Variants in HDHD2 observed in about 807,000 individuals in gnomAD.
HDHD2 encodes the protein haloacid dehalogenase-like hydrolase domain-containing protein 2.
HDHD2 carries 26 observed loss-of-function variants against 24.8 expected under a neutral mutation model. The observed-to-expected ratio is 1.05, with a 90% CI of 0.77 to 1.45. The LOEUF (loss-of-function observed/expected upper bound fraction) is 1.45, where lower values mean the gene tolerates loss of function less well. Ranked by LOEUF, HDHD2 falls within the 40% of genes most tolerant of loss-of-function variation. The pLI is 0.00. For missense variants in HDHD2, 299 were observed against 313.4 expected, an observed-to-expected ratio of 0.95 and a Z score of 0.35; for synonymous variants, 128 against 114.9, an observed-to-expected ratio of 1.11 and a Z score of -0.73.
At chr18:47,134,145 T>C (rs1453948311) in intron 3 of HDHD2, among the ~76,000 whole-genome samples, 1 of 152,232 alleles carries the variant, frequency 6.6e-6, no homozygotes, top group Non-Finnish European at 1.5e-5. Flanking sequence ...TCGTGATCTA[T>C]TATTAGACTG....
In HDHD2 at chr18:47,108,423, T is replaced by C; in HGVS notation, c.*259A>G. The C allele has an allele frequency of 2.9e-6, 1 of 342,000 alleles. No individual in the cohort carries two copies. The highest frequency in any genetic ancestry group is 9.7e-5 in the South Asian group (1 of 10,296). The allele number at this position is 342,000 out of a possible 1,614,324, so 21.2% of individuals were successfully genotyped here. On this transcript the variant is annotated 3_prime_UTR_variant, in exon 7 of 7. Coordinates refer to ENST00000300605, the MANE Select transcript of HDHD2 (RefSeq NM_032124.5). ...CCACAGCCCCACCTAACCTGATGAA[T>C]ATTTTAAAAGGAATGGCACAAAATC...
intron 4 of HDHD2, among the ~76,000 whole-genome samples, chr18:47,123,289 A>C (rs2063624825): frequency 2.0e-5 from 3 of 152,220 alleles, no homozygotes; most frequent in Admixed American, 6.5e-5. Context: ...ATAAATATGA[A>C]ATTTAGCAAA....
chr18:47,109,799 G>A (rs1279991530), intron 6 of HDHD2: 1 of 194,864 alleles, frequency 5.1e-6, no homozygotes, highest in Non-Finnish European at 9.3e-6. Context: ...ACAACAATTT[G>A]TAATTATGCA....
chr18:47,129,319 TGCACAC>T (rs774134892), intron 4 of HDHD2, among the ~76,000 whole-genome samples: 178 of 152,252 alleles, frequency 1.2e-3, no homozygotes, highest in Non-Finnish European at 2.1e-3. Flanking sequence ...TTAAGTGAAA[TGCACAC>T]ATTAACTGAA....
chr18:47,145,483 T>C lies in HDHD2; in HGVS notation c.-11+4895A>G, dbSNP rs550119255. 2.6e-5 allele frequency among the ~76,000 whole-genome samples: 4 copies of C among 152,104 alleles called. No individual in the cohort carries two copies. The South Asian group carries it at 6.2e-4, about 24-fold the overall frequency. The stretch of plus-strand genomic sequence containing the variant: ...AAAAGGTCCCAATATGTGTAGAAAA[T>C]TCATATATGATAGAAGTAGTGTTTC... On this transcript the variant is annotated intron_variant, in intron 1 of 6. Transcript: ENST00000300605.
At chr18:47,141,488 A>G (rs946175945) in intron 1 of HDHD2, among the ~76,000 whole-genome samples, 1 of 152,166 alleles carries the variant, frequency 6.6e-6, no homozygotes, top group African/African-American at 2.4e-5. Flanking sequence ...ACTAAACTCC[A>G]CCTTCTAAAA....
intron 4 of HDHD2, among the ~76,000 whole-genome samples, chr18:47,116,741 AC>A (rs1003595370): frequency 3.9e-5 from 6 of 152,156 alleles, no homozygotes; most frequent in African/African-American, 1.2e-4. Context: ...CTGTCACCCC[AC>A]CCCCAAGCCC....
intron 3 of HDHD2, among the ~76,000 whole-genome samples, chr18:47,130,946 A>G (rs550145903): frequency 6.6e-6 from 1 of 152,266 alleles, no homozygotes; most frequent in African/African-American, 2.4e-5. Flanking sequence ...TGACAATCAA[A>G]CGAGTACATT....
intron 1 of HDHD2, among the ~76,000 whole-genome samples, chr18:47,141,763 T>A (rs978922327): frequency 2.6e-5 from 4 of 152,226 alleles, no homozygotes; most frequent in Admixed American, 1.3e-4. Flanking sequence ...TACATGATGC[T>A]CCAGACTCAT....
At chr18:47,108,837 T>C in intron 6 of HDHD2, 52 bp from the exon 7 acceptor site, 1 of 1,098,480 alleles carries the variant, frequency 9.1e-7, no homozygotes, top group Non-Finnish European at 1.4e-6. Context: ...AATGCTAAAT[T>C]AATCATACCC....
chr18:47,139,278 G>A (rs2144371409), intron 1 of HDHD2, among the ~76,000 whole-genome samples: 1 of 149,552 alleles, frequency 6.7e-6, no homozygotes, highest in South Asian at 2.1e-4. Flanking sequence ...CTAACATGGT[G>A]AAACCCCATC....
intron 6 of HDHD2, chr18:47,111,585 C>A (rs1481088861): frequency 1.0e-6 from 1 of 985,342 alleles, no homozygotes; most frequent in Non-Finnish European, 1.2e-6. Flanking sequence ...AGGGCTGTTA[C>A]GTTCCTGGGA....
At chr18:47,133,990 A>G (rs1301041223) in intron 3 of HDHD2, among the ~76,000 whole-genome samples, 2 of 152,128 alleles carry the variant, frequency 1.3e-5, no homozygotes, top group East Asian at 1.9e-4. Context: ...ATGAGATCCC[A>G]TTTGTCAATT....
chr18:47,143,382 T>C (rs2063837385), intron 1 of HDHD2, among the ~76,000 whole-genome samples: 1 of 152,156 alleles, frequency 6.6e-6, no homozygotes, highest in Non-Finnish European at 1.5e-5. Flanking sequence ...GGGGCTGCAG[T>C]GGGCTATGAC....
Position 47,108,637 on chromosome 18 carries a change from C to A in HDHD2, c.*45G>T, listed in dbSNP as rs1156496142. On this transcript the variant is annotated 3_prime_UTR_variant, in exon 7 of 7. Transcript: ENST00000300605. ...GAGTTGGTAAGGGATTCATTCCAGA[C>A]AATAAGAAGCTGCATTTCAAGTTGC... 5.8e-6 allele frequency: 6 copies of A among 1,037,700 alleles called. No homozygotes were observed. The highest frequency in any genetic ancestry group is 8.9e-6 in the Non-Finnish European group (6 of 671,686). The allele number at this position is 1,037,700 out of a possible 1,614,324, so 64.3% of individuals were successfully genotyped here. A position where few individuals can be genotyped will look rare whatever the true frequency, so the allele number is the denominator to read the frequency against.
intron 1 of HDHD2, among the ~76,000 whole-genome samples, chr18:47,137,935 C>G (rs1191808266): frequency 6.6e-6 from 1 of 150,754 alleles, no homozygotes; most frequent in African/African-American, 2.4e-5. Flanking sequence ...GGAAGGCCGA[C>G]GCGGGCGGAT....
chr18:47,114,910 C>T (rs2063545304), intron 5 of HDHD2, among the ~76,000 whole-genome samples: 1 of 151,670 alleles, frequency 6.6e-6, no homozygotes, highest in South Asian at 2.1e-4. Flanking sequence ...CACAAATCTC[C>T]TATTACGCTA....
intron 6 of HDHD2, 72 bp from the exon 7 acceptor site, chr18:47,108,857 C>A: frequency 2.3e-6 from 2 of 861,048 alleles, no homozygotes; most frequent in Non-Finnish European, 3.9e-6. Context: ...CCATGAGCAC[C>A]TGGGTCATCA....
intron 1 of HDHD2, among the ~76,000 whole-genome samples, chr18:47,145,789 C>G (rs1476599094): frequency 1.3e-5 from 2 of 152,080 alleles, no homozygotes; most frequent in South Asian, 4.1e-4. Context: ...AAAAGCACCA[C>G]AAAGAGAGTG....
Sources: allele counts gnomAD v4.1 joint callset (sites outside exome capture counted in the v4.1 genomes callset), GRCh38; gene constraint gnomAD v4.1.1; transcripts MANE v1.5; gene names NCBI Gene and HGNC (gene_info 2026-07-23, HGNC 2026-07-21).